Variants in MRPS31 observed in about 807,000 individuals in gnomAD.
MRPS31 encodes the protein mitochondrial ribosomal protein S31, also known as small ribosomal subunit protein mS31.
MRPS31 carries 32 observed loss-of-function variants against 43.1 expected under a neutral mutation model. That is an observed-to-expected ratio of 0.74 (90% CI 0.56 to 1.00). The LOEUF (loss-of-function observed/expected upper bound fraction) is 1.00, where lower values mean the gene tolerates loss of function less well. Ranked by LOEUF, MRPS31 falls within the 50% of genes least tolerant of loss-of-function variation. MRPS31 has a pLI of 0.00. For synonymous variants in MRPS31, 165 were observed against 161.6 expected, an observed-to-expected ratio of 1.02 and a Z score of -0.16; for missense variants, 437 against 466.7, an observed-to-expected ratio of 0.94 and a Z score of 0.59.
intron 6 of MRPS31, among the ~76,000 whole-genome samples, chr13:40,734,540 A>C (rs1423784046): frequency 6.6e-6 from 1 of 152,220 alleles, no homozygotes; most frequent in Admixed American, 6.5e-5. Flanking sequence ...AGGAAGAAAA[A>C]TAAAGCAATT....
chr13:40,750,880 G>A (rs750045011), intron 5 of MRPS31, among the ~76,000 whole-genome samples: 93 of 150,982 alleles, frequency 6.2e-4, no homozygotes, highest in Non-Finnish European at 8.9e-4. Flanking sequence ...ACACTTTAGC[G>A]CGTATCTGTA....
intron 5 of MRPS31, among the ~76,000 whole-genome samples, chr13:40,753,669 C>T (rs945671669): frequency 2.0e-5 from 3 of 152,106 alleles, no homozygotes; most frequent in African/African-American, 4.8e-5. Flanking sequence ...ACAGTCATCG[C>T]GCACACAGAG....
intron 6 of MRPS31, among the ~76,000 whole-genome samples, chr13:40,729,961 C>A (rs1389995488): frequency 6.6e-6 from 1 of 151,806 alleles, no homozygotes; most frequent in Non-Finnish European, 1.5e-5. Flanking sequence ...AACTCCTGAC[C>A]TCAAGTTATC....
At chr13:40,756,141 A>C (rs766912772) in intron 4 of MRPS31, among the ~76,000 whole-genome samples, 4 of 152,242 alleles carry the variant, frequency 2.6e-5, no homozygotes, top group Non-Finnish European at 5.9e-5. Flanking sequence ...AATCCATGGA[A>C]TATACAATGC....
intron 6 of MRPS31, among the ~76,000 whole-genome samples, chr13:40,740,796 G>C: frequency 9.2e-6 from 1 of 108,154 alleles, no homozygotes; most frequent in Non-Finnish European, 1.8e-5. Context: ...TGGGGTGGGG[G>C]GAGGGGGGAG....
intron 1 of MRPS31, among the ~76,000 whole-genome samples, chr13:40,770,597 T>C (rs1566113749): frequency 6.6e-6 from 1 of 152,264 alleles, no homozygotes; most frequent in Non-Finnish European, 1.5e-5. Flanking sequence ...CGCTCCGTGA[T>C]GGCAGGACTG....
chr13:40,739,586 C>T (rs1460267508), intron 6 of MRPS31, among the ~76,000 whole-genome samples: 2 of 152,136 alleles, frequency 1.3e-5, no homozygotes, highest in Non-Finnish European at 2.9e-5. Flanking sequence ...GGTACCAAAA[C>T]AGAGACATAG....
intron 6 of MRPS31, among the ~76,000 whole-genome samples, chr13:40,737,907 A>G (rs552655127): frequency 0.021 from 3,141 of 152,126 alleles, 102 homozygotes; most frequent in African/African-American, 0.069. Context: ...TACATTCAAA[A>G]GCTAGCAGAA....
Position 40,749,137 on chromosome 13 carries a change from C to T in MRPS31, c.958+1G>A. The T allele has an allele frequency of 6.3e-7, 1 of 1,591,930 alleles. No homozygotes were observed. The highest frequency in any genetic ancestry group is 8.5e-7 in the Non-Finnish European group (1 of 1,174,552). On this transcript the variant is annotated splice_donor_variant, in intron 6 of 6. Coordinates refer to ENST00000323563, the MANE Select transcript of MRPS31 (RefSeq NM_005830.4). LOFTEE classifies it high-confidence loss of function. ...TATAATCCCCTGAAATTAACACTTA[C>T]CTGCTTCATTGTTAATTGGGAACTC...
At chr13:40,731,252 CAAA>C (rs1161901636) in intron 6 of MRPS31, 152 of 65,066 alleles carry the variant, frequency 2.3e-3, no homozygotes, top group Non-Finnish European at 4.0e-3. Context: ...GACCCTGTCT[CAAA>C]AAAAAAAAAA....
At chr13:40,757,340 A>G (rs2138011415) in intron 3 of MRPS31, among the ~76,000 whole-genome samples, 1 of 152,214 alleles carries the variant, frequency 6.6e-6, no homozygotes, top group Non-Finnish European at 1.5e-5. Context: ...CAATAACTAA[A>G]TTAAAACCAA....
At position 40,756,787 on chromosome 13, in the gene MRPS31, T is replaced by TACAC. The variant is rs370317640; in HGVS notation, c.740+82_740+85dup. The TACAC allele has an allele frequency of 1.1e-4, 157 of 1,391,676 alleles. 1 individual carries two copies. The African/African-American group carries it at 2.2e-3, about 19-fold the overall frequency. 86.2% of individuals were successfully genotyped at this position (1,391,676 alleles called of 1,614,324 possible). On this transcript the variant is annotated intron_variant, in intron 4 of 6. Transcript: ENST00000323563. ...ATGTTCAGATATCCAACAGCAATAA[T>TACAC]ACACACACACACAATAAGGTAAATC...
At chr13:40,729,680 ATATAATAT>A in intron 6 of MRPS31, 79 bp from the exon 7 acceptor site, 1 of 951,930 alleles carries the variant, frequency 1.1e-6, no homozygotes, top group Non-Finnish European at 1.6e-6. Flanking sequence ...TAATGAGGTA[ATATAATAT>A]TACAGTTTAA....
chr13:40,769,626 T>C (rs1272144708), intron 1 of MRPS31, among the ~76,000 whole-genome samples: 25 of 152,020 alleles, frequency 1.6e-4, no homozygotes, highest in Non-Finnish European at 1.5e-5. Context: ...ACTCTCATTA[T>C]AATATTCAAT....
At chr13:40,748,436 C>T (rs1218786005) in intron 6 of MRPS31, among the ~76,000 whole-genome samples, 2 of 152,216 alleles carry the variant, frequency 1.3e-5, no homozygotes, top group Non-Finnish European at 2.9e-5. Flanking sequence ...GGATAACAGG[C>T]GTGAGCCGCA....
intron 1 of MRPS31, among the ~76,000 whole-genome samples, chr13:40,768,770 TTGAGAATTTGCATTTCTAACAA>T (rs1880919055): frequency 6.6e-6 from 1 of 152,190 alleles, no homozygotes; most frequent in Non-Finnish European, 1.5e-5. Flanking sequence ...CAGGAGACAC[TTGAGAATTTGCATTTCTAACAA>T]ACTCCCAGGT....
At chr13:40,731,580 CA>C (rs530596103) in intron 6 of MRPS31, among the ~76,000 whole-genome samples, 127 of 78,392 alleles carry the variant, frequency 1.6e-3, no homozygotes, top group Non-Finnish European at 1.5e-3. Context: ...AGACTCTGTC[CA>C]AAAAAAAAAA....
chr13:40,744,182 G>T (rs537934944), intron 6 of MRPS31, among the ~76,000 whole-genome samples: 1 of 152,162 alleles, frequency 6.6e-6, no homozygotes, highest in African/African-American at 2.4e-5. Context: ...GGGAATGACA[G>T]ACACTGGGGC....
At chr13:40,745,815 C>T (rs540137519) in intron 6 of MRPS31, among the ~76,000 whole-genome samples, 6 of 152,054 alleles carry the variant, frequency 3.9e-5, no homozygotes, top group South Asian at 2.1e-4. Flanking sequence ...ACTGGGTAGG[C>T]ATAAATGTGA....
Sources: gnomAD v4.1 joint callset for allele counts (sites outside exome capture counted in the v4.1 genomes callset) on GRCh38, gnomAD v4.1.1 for gene constraint, MANE v1.5 for transcripts, NCBI Gene and HGNC (gene_info 2026-07-23, HGNC 2026-07-21) for gene names.